ANXA4: variants seen among roughly 807,000 people sequenced by gnomAD.
The protein encoded by ANXA4 is annexin A4, also known as 35-beta calcimedin.
In ANXA4, 39 loss-of-function variants were observed where a neutral mutation model predicts 49.8. The observed-to-expected ratio is 0.78, with a 90% confidence interval of 0.61 to 1.02. The LOEUF (loss-of-function observed/expected upper bound fraction) is 1.02, where lower values mean the gene tolerates loss of function less well. Among genes scored for constraint, ANXA4 ranks in the 50% least tolerant of loss-of-function variants. ANXA4 has a pLI of 0.00. For synonymous variants in ANXA4, 134 were observed against 152.5 expected, an observed-to-expected ratio of 0.88 and a Z score of 0.89; for missense variants, 360 against 410.1, an observed-to-expected ratio of 0.88 and a Z score of 1.05.
rs145038647 is a variant in ANXA4, at chr2:69,790,301, CT to C, written c.97+2161del. ...GAAACTGGGTGACGATTTCTTCTGGCTACTTCCTGCTGGAGAGTGGCGTTGT... is the reference window on the plus strand; with the variant it reads ...GAAACTGGGTGACGATTTCTTCTGGCACTTCCTGCTGGAGAGTGGCGTTGT... On this transcript the variant is annotated intron_variant, in intron 3 of 12. Coordinates refer to ENST00000394295, the MANE Select transcript of ANXA4 (RefSeq NM_001153.5). Among the ~76,000 whole-genome samples the C allele has an allele frequency of 4.7e-3, 721 of 152,158 alleles. 4 individuals are homozygous for C. Among genetic ancestry groups the C allele is most frequent in the African/African-American group, 0.016 (673 of 41,494 alleles).
intron 2 of ANXA4, among the ~76,000 whole-genome samples, chr2:69,684,883 C>T (rs1416360599): frequency 1.3e-5 from 2 of 151,916 alleles, no homozygotes; most frequent in Admixed American, 6.6e-5. Context: ...CTTTGGTAAG[C>T]GAAGATAGAA....
chr2:69,779,956 G>GA (rs1672127891), intron 1 of ANXA4, among the ~76,000 whole-genome samples: 1 of 152,200 alleles, frequency 6.6e-6, no homozygotes, highest in South Asian at 2.1e-4. Context: ...AGTCGGCAAT[G>GA]AATGATGGGA....
intron 2 of ANXA4, among the ~76,000 whole-genome samples, chr2:69,701,331 T>G (rs1678324270): frequency 6.6e-6 from 1 of 152,132 alleles, no homozygotes; most frequent in African/African-American, 2.4e-5. Context: ...GGACTGAAAC[T>G]CTATACCCAT....
intron 2 of ANXA4, among the ~76,000 whole-genome samples, chr2:69,711,674 A>G (rs1170829476): frequency 6.6e-6 from 1 of 152,226 alleles, no homozygotes; most frequent in African/African-American, 2.4e-5. Flanking sequence ...TTGTACCTCA[A>G]TAAAGCCAAT....
intron 1 of ANXA4, among the ~76,000 whole-genome samples, chr2:69,649,298 A>G (rs950330476): frequency 6.6e-6 from 1 of 151,376 alleles, no homozygotes; most frequent in African/African-American, 2.5e-5. Flanking sequence ...ATAGAAGAAA[A>G]TAAAAATCAG....
rs1345485173 is a variant in ANXA4, at chr2:69,807,953, G to C, written c.354G>C (p.Arg118=). 6.2e-7 allele frequency: 1 copy of C among 1,614,036 alleles called. No individual in the cohort carries two copies. The highest frequency in any genetic ancestry group is 8.5e-7 in the Non-Finnish European group (1 of 1,180,032). Residue 118 remains arginine, a synonymous_variant, in exon 6 of 13, where the codon CGG becomes CGC. Coordinates refer to ENST00000394295, the MANE Select transcript of ANXA4 (RefSeq NM_001153.5). ...EGCLIEILAS[R]TPEEIRRISQ... ...GCCTAATTGAGATCCTGGCCTCCCG[G>C]ACCCCTGAGGAGATCCGGCGCATAA...
At chr2:69,683,526 T>C (rs1480072624) in intron 2 of ANXA4, among the ~76,000 whole-genome samples, 2 of 152,208 alleles carry the variant, frequency 1.3e-5, no homozygotes, top group Non-Finnish European at 2.9e-5. Flanking sequence ...CTTAGTTTTG[T>C]TTTGAAATTA....
intron 3 of ANXA4, 126 bp downstream of exon 3, chr2:69,788,267 G>C: frequency 1.2e-6 from 1 of 821,518 alleles, no homozygotes; most frequent in South Asian, 1.6e-5. Context: ...GAGGCTGGGT[G>C]TGGGGCTCAT....
At chr2:69,761,013 A>AATT (rs1671262607) in intron 1 of ANXA4, among the ~76,000 whole-genome samples, 1 of 151,548 alleles carries the variant, frequency 6.6e-6, no homozygotes, top group Non-Finnish European at 1.5e-5. Flanking sequence ...TTAATTAATT[A>AATT]ATTAATTAAT....
chr2:69,675,265 A>T (rs1289986361), intron 2 of ANXA4, among the ~76,000 whole-genome samples: 1 of 152,214 alleles, frequency 6.6e-6, no homozygotes, highest in African/African-American at 2.4e-5. Context: ...CCATACAAAG[A>T]TACTCTCTTT....
intron 1 of ANXA4, among the ~76,000 whole-genome samples, chr2:69,651,644 A>C (rs1676238901): frequency 6.6e-6 from 1 of 151,534 alleles, no homozygotes; most frequent in Non-Finnish European, 1.5e-5. Flanking sequence ...CTGGGACTAC[A>C]GGCTCCCACC....
At chr2:69,758,577 GT>G (rs1254518198) in intron 1 of ANXA4, among the ~76,000 whole-genome samples, 3 of 152,246 alleles carry the variant, frequency 2.0e-5, no homozygotes, top group Admixed American at 2.0e-4. Context: ...AGCTATGACT[GT>G]GCTACTGCAC....
rs373066283 is a variant in ANXA4, at chr2:69,717,893, C to T, written n.767-2881C>T. Among the ~76,000 whole-genome samples, 6 of 152,292 alleles carry T rather than the reference C, an allele frequency of 3.9e-5. No homozygotes were observed. The South Asian group carries it at 1.2e-3, about 32-fold the overall frequency. ...GTACACAACCTATGCACTCCCTTCC[C>T]TCTAGAATGTTTCAGCAGGGGTCCT... On this transcript the variant is annotated intron_variant and non_coding_transcript_variant, in intron 2 of 3. Transcript: ENST00000418066.
At chr2:69,763,662 CTT>C (rs58726825) in intron 1 of ANXA4, among the ~76,000 whole-genome samples, 26 of 136,534 alleles carry the variant, frequency 1.9e-4, no homozygotes, top group Admixed American at 2.9e-4. Context: ...GGACATAATA[CTT>C]TTTTTTTTTT....
At chr2:69,649,549 TGATTA>T (rs1676145975) in intron 1 of ANXA4, among the ~76,000 whole-genome samples, 1 of 151,166 alleles carries the variant, frequency 6.6e-6, no homozygotes, top group Admixed American at 6.6e-5. Context: ...ACTTTTTATA[TGATTA>T]GAATGAATAT....
At chr2:69,772,784 C>T (rs992003062) in intron 1 of ANXA4, among the ~76,000 whole-genome samples, 2 of 152,060 alleles carry the variant, frequency 1.3e-5, no homozygotes, top group East Asian at 1.9e-4. Flanking sequence ...TTTGGGAGGC[C>T]GAGGCGGGCA....
intron 2 of ANXA4, among the ~76,000 whole-genome samples, chr2:69,658,836 A>G (rs923843153): frequency 4.6e-5 from 7 of 152,220 alleles, no homozygotes; most frequent in African/African-American, 1.4e-4. Context: ...CTGGGATTAC[A>G]GGTGCGCAGC....
intron 2 of ANXA4, among the ~76,000 whole-genome samples, chr2:69,672,354 C>A (rs1379151771): frequency 1.3e-5 from 2 of 152,092 alleles, no homozygotes; most frequent in African/African-American, 4.8e-5. Flanking sequence ...GCCTCAGCCT[C>A]CTGGGTAGCT....
At chr2:69,686,823 A>G (rs1677804004) in intron 2 of ANXA4, among the ~76,000 whole-genome samples, 1 of 152,200 alleles carries the variant, frequency 6.6e-6, no homozygotes, top group South Asian at 2.1e-4. Context: ...TTTAACTATC[A>G]GCTCTTGCAA....
Sources: allele counts gnomAD v4.1 joint callset (sites outside exome capture counted in the v4.1 genomes callset), GRCh38; gene constraint gnomAD v4.1.1; transcripts MANE v1.5; gene names NCBI Gene and HGNC (gene_info 2026-07-23, HGNC 2026-07-21).